SRGAP3: variants seen among roughly 807,000 people sequenced by gnomAD.
SRGAP3 encodes SLIT-ROBO Rho GTPase activating protein 3.
In SRGAP3, 39 loss-of-function variants were observed where a neutral mutation model predicts 121.1. That is an observed-to-expected ratio of 0.32 (90% CI 0.25 to 0.42). The LOEUF is 0.42. SRGAP3 is among the 10% of genes least tolerant of loss of function. The pLI is 1.00. For missense variants in SRGAP3, 1,213 were observed against 1,470.6 expected (o/e 0.82, Z 2.86); for synonymous variants, 601 against 570.0 (o/e 1.05, Z -0.77).
intron 11 of SRGAP3, among the ~76,000 whole-genome samples, chr3:9,033,190 A>G (rs1944577445): frequency 6.6e-6 from 1 of 152,208 alleles, no homozygotes; most frequent in East Asian, 1.9e-4. Context: ...ACCAAGTCTC[A>G]ACTCCCAATG....
At position 9,081,447 on chromosome 3, in the gene SRGAP3, T is replaced by A. The variant is rs142687386; in HGVS notation, c.424-1360A>T. On this transcript the variant is annotated intron_variant, in intron 3 of 21. Coordinates refer to ENST00000383836, the MANE Select transcript of SRGAP3 (RefSeq NM_014850.4). Reference sequence around the variant, plus strand: ...CTTTGAGCCTCAGCTACCTCACCTATCAAATAAAAAGCTTAAACTAAAACA... The same window carrying A: ...CTTTGAGCCTCAGCTACCTCACCTAACAAATAAAAAGCTTAAACTAAAACA... 9.4e-3 allele frequency among the ~76,000 whole-genome samples: 1,431 copies of A among 152,268 alleles called. 10 individuals carry two copies. Among genetic ancestry groups the A allele is most frequent in the Admixed American group, 0.018 (270 of 15,296 alleles).
At chr3:9,020,566 G>A (rs745311855) in intron 14 of SRGAP3, among the ~76,000 whole-genome samples, 9 of 152,104 alleles carry the variant, frequency 5.9e-5, no homozygotes, top group Admixed American at 6.6e-5. Flanking sequence ...ACTAGTTCCC[G>A]TTGTTAAGCA....
At chr3:9,234,066 C>T (rs1303255324) in intron 1 of SRGAP3, among the ~76,000 whole-genome samples, 2 of 152,118 alleles carry the variant, frequency 1.3e-5, no homozygotes, top group Non-Finnish European at 2.9e-5. Flanking sequence ...CAGAGATGCT[C>T]AGGGTGGGGC....
In SRGAP3 at chr3:9,326,890, G is replaced by C. The variant is rs142669213; in HGVS notation, n.284-722C>G. 4.1e-3 allele frequency among the ~76,000 whole-genome samples: 621 copies of C among 151,890 alleles called. 9 individuals are homozygous for C. The highest frequency in any genetic ancestry group is 5.5e-3 in the Non-Finnish European group (373 of 67,980). On this transcript the variant is annotated intron_variant and non_coding_transcript_variant, in intron 2 of 3. Transcript: ENST00000490889. Reference sequence around the variant, plus strand: ...AAATTTTCTAAAGGAAGAAACATTAGTCTGATACAGAGGAGACTCAGCTCT... The same window carrying C: ...AAATTTTCTAAAGGAAGAAACATTACTCTGATACAGAGGAGACTCAGCTCT...
Position 9,133,038 on chromosome 3 carries a change from A to G in SRGAP3, c.68-8121T>C, listed in dbSNP as rs530183111. On this transcript the variant is annotated intron_variant, in intron 1 of 21. Transcript: ENST00000383836. ...ATATAGATCATATTATTTATATTATATGATATATTATATAGATCTATATAT... is the reference window on the plus strand; with the variant it reads ...ATATAGATCATATTATTTATATTATGTGATATATTATATAGATCTATATAT... Among the ~76,000 whole-genome samples the G allele has an allele frequency of 2.0e-5, 3 of 148,740 alleles. No individual in the cohort carries two copies. The East Asian group carries it at 5.8e-4, about 29-fold the overall frequency.
intron 20 of SRGAP3, 94 bp from the exon 21 acceptor site, chr3:8,990,933 G>T: frequency 8.9e-7 from 1 of 1,124,738 alleles, no homozygotes; most frequent in Non-Finnish European, 1.2e-6. Context: ...CACACTACAC[G>T]CTAGTCTAAG....
chr3:9,010,502 G>C, intron 17 of SRGAP3, 115 bp from the exon 18 acceptor site: 1 of 1,074,094 alleles, frequency 9.3e-7, no homozygotes, highest in Non-Finnish European at 1.4e-6. Context: ...CTCAGATGCA[G>C]GCCTATACCA....
At chr3:9,065,617 C>G (rs1357185862) in intron 4 of SRGAP3, 1 of 152,228 alleles carries the variant, frequency 6.6e-6, no homozygotes, top group Non-Finnish European at 1.5e-5. Flanking sequence ...GATCAGCCCT[C>G]TTTTCATTCA....
intron 4 of SRGAP3, among the ~76,000 whole-genome samples, chr3:9,066,944 T>G (rs1432710872): frequency 6.6e-6 from 1 of 152,218 alleles, no homozygotes; most frequent in African/African-American, 2.4e-5. Context: ...ATCCTGATGG[T>G]CCCACTCCTT....
chr3:9,132,581 G>C (rs753357762), intron 1 of SRGAP3, among the ~76,000 whole-genome samples: 1 of 151,976 alleles, frequency 6.6e-6, no homozygotes, highest in Non-Finnish European at 1.5e-5. Flanking sequence ...ATGTCTTTTT[G>C]TGGCTTTGTA....
intron 3 of SRGAP3, among the ~76,000 whole-genome samples, chr3:9,314,503 A>T (rs1442145056): frequency 1.3e-5 from 2 of 152,216 alleles, no homozygotes; most frequent in East Asian, 3.8e-4. Flanking sequence ...ACAGAGACCC[A>T]AAGTAGACAC....
chr3:9,242,579 G>A (rs1574929478), intron 1 of SRGAP3, among the ~76,000 whole-genome samples: 1 of 152,226 alleles, frequency 6.6e-6, no homozygotes, highest in Non-Finnish European at 1.5e-5. Context: ...AGGTTGCAGT[G>A]AGCCAAGATC....
chr3:9,286,977 A>G (rs1217494130), intron 3 of SRGAP3, among the ~76,000 whole-genome samples: 1 of 130,440 alleles, frequency 7.7e-6, no homozygotes, highest in African/African-American at 2.9e-5. Context: ...TTGTCCACAC[A>G]CTGACACTCT....
Position 9,239,032 on chromosome 3 carries a change from C to A in SRGAP3, c.67+9853G>T, listed in dbSNP as rs1252524889. Among the ~76,000 whole-genome samples the A allele has an allele frequency of 2.0e-5, 3 of 152,154 alleles. No individual in the cohort carries two copies. Among genetic ancestry groups the A allele is most frequent in the Non-Finnish European group, 4.4e-5 (3 of 68,036 alleles). On this transcript the variant is annotated intron_variant, in intron 1 of 21. Coordinates refer to ENST00000383836, the MANE Select transcript of SRGAP3 (RefSeq NM_014850.4). This position sits in a 1 kb window ranked among gnomAD's most constrained non-coding sequence, Gnocchi z 4.0. ...AGTCCCCCTGGATCTTGGAGCACAACCCTGGAGGGAAACCCCAAATTGACT... is the reference window on the plus strand; with the variant it reads ...AGTCCCCCTGGATCTTGGAGCACAAACCTGGAGGGAAACCCCAAATTGACT...
At chr3:9,290,358 T>C (rs1329298975) in intron 3 of SRGAP3, among the ~76,000 whole-genome samples, 1 of 152,218 alleles carries the variant, frequency 6.6e-6, no homozygotes, top group Non-Finnish European at 1.5e-5. Context: ...AAGTATGTGC[T>C]ATGTAAATGA....
chr3:9,113,628 A>T (rs1170576911), intron 2 of SRGAP3, among the ~76,000 whole-genome samples: 1 of 152,022 alleles, frequency 6.6e-6, no homozygotes, highest in African/African-American at 2.4e-5. Context: ...TCCCCACCCA[A>T]ATCTCATCTT....
At chr3:9,067,786 T>C (rs1237741209) in intron 4 of SRGAP3, among the ~76,000 whole-genome samples, 1 of 152,146 alleles carries the variant, frequency 6.6e-6, no homozygotes, top group East Asian at 1.9e-4. Flanking sequence ...CCTGCACATG[T>C]ATCCTGGAAC....
At chr3:9,229,437 T>G (rs996797396) in intron 1 of SRGAP3, among the ~76,000 whole-genome samples, 7 of 152,140 alleles carry the variant, frequency 4.6e-5, no homozygotes, top group African/African-American at 1.7e-4. Flanking sequence ...AGAGCTGAGA[T>G]TCAGGTGTGG....
chr3:9,223,797 T>C (rs927567440), intron 1 of SRGAP3, among the ~76,000 whole-genome samples: 3 of 152,220 alleles, frequency 2.0e-5, no homozygotes, highest in Admixed American at 2.0e-4. Context: ...CTGCTGATTC[T>C]GAAGAACCAT....
Sources: gnomAD v4.1 joint callset for allele counts (sites outside exome capture counted in the v4.1 genomes callset) on GRCh38, gnomAD v4.1.1 for gene constraint, Gnocchi (gnomAD v3.1) non-coding constraint, MANE v1.5 for transcripts, NCBI Gene and HGNC (gene_info 2026-07-23, HGNC 2026-07-21) for gene names.